The following ST7 variants were observed in gnomAD, a reference collection of about 807,000 sequenced individuals.
ST7 encodes suppressor of tumorigenicity 7 protein.
In ST7, 28 loss-of-function variants were observed where a neutral mutation model predicts 78.7. The ratio of observed to expected loss-of-function variants is 0.36; its 90% CI spans 0.26 to 0.49. ST7 has a LOEUF of 0.49. Among genes scored for constraint, ST7 ranks in the 20% least tolerant of loss-of-function variants. The probability of loss-of-function intolerance (pLI) is 0.99; values close to 1 mark genes in which losing one functional copy is unlikely to be tolerated. For synonymous variants in ST7, 247 were observed against 249.6 expected (o/e 0.99, Z 0.10); for missense variants, 418 against 696.0 (o/e 0.60, Z 4.49).
rs970360617 is a variant in ST7, at chr7:117,216,134, G to C, written c.1406-2950G>C. On this transcript the variant is annotated intron_variant, in intron 13 of 15. Coordinates refer to ENST00000323984, the MANE Select transcript of ST7 (RefSeq NM_001369598.1). ...GACGGGAACAGCACTGATAGACTTG[G>C]AACCTAGAAAATGTGTCTGGTCAGG... is the stretch of plus-strand genomic sequence containing the variant. 3.3e-5 allele frequency among the ~76,000 whole-genome samples: 5 copies of C among 152,062 alleles called. No homozygotes were observed. The South Asian group carries it at 1.0e-3, about 32-fold the overall frequency.
intron 1 of ST7, among the ~76,000 whole-genome samples, chr7:117,048,393 A>C (rs1797601188): frequency 6.6e-6 from 1 of 152,232 alleles, no homozygotes; most frequent in Admixed American, 6.5e-5. Context: ...AAAGAAGCCC[A>C]AAGCAGTCTT....
intron 9 of ST7, among the ~76,000 whole-genome samples, chr7:117,159,756 G>A (rs2117204015): frequency 6.6e-6 from 1 of 152,226 alleles, no homozygotes; most frequent in Non-Finnish European, 1.5e-5. Context: ...AGCCAGGCAT[G>A]GTGACACACA....
intron 1 of ST7, among the ~76,000 whole-genome samples, chr7:117,065,767 A>G (rs1277432409): frequency 6.6e-6 from 1 of 152,154 alleles, no homozygotes; most frequent in Non-Finnish European, 1.5e-5. Context: ...TTGAAATGTA[A>G]TTCAGATCAT....
chr7:116,957,033 A>G (rs1792539412), intron 1 of ST7: 1 of 171,130 alleles, frequency 5.8e-6, no homozygotes, highest in African/African-American at 2.4e-5. Context: ...TTAATTTAAA[A>G]TAATAAAAGA....
At chr7:117,006,844 T>G (rs999557206) in intron 1 of ST7, among the ~76,000 whole-genome samples, 3 of 152,196 alleles carry the variant, frequency 2.0e-5, no homozygotes, top group Non-Finnish European at 4.4e-5. Context: ...TCTGTTATGG[T>G]GAGCTGTGAT....
intron 1 of ST7, among the ~76,000 whole-genome samples, chr7:117,014,058 G>A (rs1795491973): frequency 6.6e-6 from 1 of 152,148 alleles, no homozygotes; most frequent in African/African-American, 2.4e-5. Flanking sequence ...CACTACTCCA[G>A]CAAAAGCATT....
chr7:117,215,187 A>G (rs1002115174), intron 13 of ST7, among the ~76,000 whole-genome samples: 5 of 152,182 alleles, frequency 3.3e-5, no homozygotes, highest in African/African-American at 1.2e-4. Context: ...AGGTAGTGAC[A>G]GCATGTGGAT....
chr7:117,084,141 G>A (rs1344271866), intron 1 of ST7, among the ~76,000 whole-genome samples: 1 of 152,182 alleles, frequency 6.6e-6, no homozygotes, highest in Admixed American at 6.5e-5. Flanking sequence ...AAATGACCTA[G>A]GGAATAGCAC....
chr7:117,177,702 C>T (rs1200623405), intron 10 of ST7, among the ~76,000 whole-genome samples: 1 of 152,170 alleles, frequency 6.6e-6, no homozygotes, highest in Non-Finnish European at 1.5e-5. Flanking sequence ...AGTGGCACAT[C>T]TTTTTGAGAT....
At chr7:117,145,723 A>G (rs1805729585) in intron 9 of ST7, 1 of 152,228 alleles carries the variant, frequency 6.6e-6, no homozygotes, top group Admixed American at 6.5e-5. Context: ...TTAGGATCTC[A>G]ACATGTCTTT....
rs1331646773 is a variant in ST7, at chr7:117,008,475, A to C, written c.151+54784A>C. Among the ~76,000 whole-genome samples the C allele has an allele frequency of 2.0e-5, 3 of 152,214 alleles. No individual in the cohort carries two copies. In the East Asian group the frequency reaches 5.8e-4, roughly 29 times the overall value. On this transcript the variant is annotated intron_variant, in intron 1 of 15. Transcript: ENST00000323984. Reference sequence around the variant, plus strand: ...ATAATATAATTGAAGAGACTTGGAAATCTTAGCCCATGATTTCCATTTTTA... The same window carrying C: ...ATAATATAATTGAAGAGACTTGGAACTCTTAGCCCATGATTTCCATTTTTA...
intron 9 of ST7, among the ~76,000 whole-genome samples, chr7:117,161,684 C>G (rs1489607262): frequency 6.8e-6 from 1 of 147,634 alleles, no homozygotes; most frequent in African/African-American, 2.5e-5. Context: ...ACTGCAGCCT[C>G]TGTCTCCTGG....
chr7:117,097,857 CTA>C (rs1318965438), intron 1 of ST7, among the ~76,000 whole-genome samples: 97 of 89,970 alleles, frequency 1.1e-3, no homozygotes, highest in African/African-American at 2.0e-3. Context: ...TGACATATCA[CTA>C]TATATATATA....
chr7:117,196,265 T>C (rs955029789), intron 12 of ST7, among the ~76,000 whole-genome samples: 3 of 152,250 alleles, frequency 2.0e-5, no homozygotes, highest in African/African-American at 7.2e-5. Context: ...CTGCTTTCAC[T>C]TCTTTTGAAT....
intron 1 of ST7, among the ~76,000 whole-genome samples, chr7:117,038,494 T>C (rs1797014880): frequency 6.6e-6 from 1 of 152,186 alleles, no homozygotes; most frequent in South Asian, 2.1e-4. Context: ...CAGATTGGGA[T>C]TGATTTTGGT....
intron 1 of ST7, chr7:116,958,680 A>G (rs779582547): frequency 2.1e-6 from 1 of 471,182 alleles, no homozygotes; most frequent in South Asian, 1.5e-5. Context: ...CGGCCACTGC[A>G]ATAAAGTGAG....
At chr7:117,196,174 A>G (rs1399148969) in intron 12 of ST7, among the ~76,000 whole-genome samples, 2 of 152,170 alleles carry the variant, frequency 1.3e-5, no homozygotes, top group South Asian at 2.1e-4. Context: ...CTGTCCATGG[A>G]CATTTAGGTT....
chr7:117,041,651 AG>A (rs1797236733), intron 1 of ST7, among the ~76,000 whole-genome samples: 1 of 152,152 alleles, frequency 6.6e-6, no homozygotes, highest in South Asian at 2.1e-4. Flanking sequence ...TTCGCTGCAT[AG>A]GGTATTTCAA....
chr7:117,156,969 T>C (rs1806741658), intron 9 of ST7, among the ~76,000 whole-genome samples: 1 of 152,174 alleles, frequency 6.6e-6, no homozygotes, highest in Non-Finnish European at 1.5e-5. Context: ...AGTCTTCTTA[T>C]TTTGAGAAGG....
Sources: allele counts gnomAD v4.1 joint callset (sites outside exome capture counted in the v4.1 genomes callset), GRCh38; gene constraint gnomAD v4.1.1; transcripts MANE v1.5; gene names NCBI Gene and HGNC (gene_info 2026-07-23, HGNC 2026-07-21).